Variants in SPOCK3 observed in about 807,000 individuals in gnomAD.
The protein encoded by SPOCK3 is SPARC (osteonectin), cwcv and kazal like domains proteoglycan 3, also known as testican-3.
In SPOCK3, 30 loss-of-function variants were observed where a neutral mutation model predicts 56.6. That is an observed-to-expected ratio of 0.53 (90% CI 0.40 to 0.72). The LOEUF is 0.72. Among genes scored for constraint, SPOCK3 ranks in the 30% least tolerant of loss-of-function variants. The probability of loss-of-function intolerance (pLI) is 0.00; values close to 1 mark genes in which losing one functional copy is unlikely to be tolerated. For missense variants in SPOCK3, 527 were observed against 530.0 expected (o/e 0.99, Z 0.06); for synonymous variants, 196 against 183.3 (o/e 1.07, Z -0.56).
intron 2 of SPOCK3, among the ~76,000 whole-genome samples, chr4:167,124,197 ATTTGT>A (rs971167023): frequency 2.0e-5 from 3 of 152,066 alleles, no homozygotes; most frequent in African/African-American, 7.2e-5. Context: ...TAGTCCTTGA[ATTTGT>A]TTTCTTTTTA....
chr4:166,873,357 T>C (rs1041644516), intron 6 of SPOCK3, among the ~76,000 whole-genome samples: 1 of 152,132 alleles, frequency 6.6e-6, no homozygotes, highest in Non-Finnish European at 1.5e-5. Context: ...AAGCCCATAA[T>C]ATGTACAATA....
At chr4:167,234,399 C>A in intron 1 of SPOCK3, 51 bp downstream of exon 1, 4 of 584,882 alleles carry the variant, frequency 6.8e-6, no homozygotes, top group South Asian at 6.3e-5. Flanking sequence ...AGGAAGCAAG[C>A]CCCAGCCGCA....
chr4:167,164,268 A>G (rs553755540), intron 2 of SPOCK3, among the ~76,000 whole-genome samples: 1 of 152,240 alleles, frequency 6.6e-6, no homozygotes, highest in South Asian at 2.1e-4. Flanking sequence ...GCATATTCAC[A>G]TATATACCAT....
chr4:166,795,299 T>C (rs1376990213), intron 6 of SPOCK3, among the ~76,000 whole-genome samples: 1 of 151,920 alleles, frequency 6.6e-6, no homozygotes, highest in East Asian at 1.9e-4. Flanking sequence ...ATCAGTAATA[T>C]ATCTACACAG....
intron 3 of SPOCK3, among the ~76,000 whole-genome samples, chr4:167,059,733 G>GAC: frequency 6.6e-6 from 1 of 152,198 alleles, no homozygotes; most frequent in Middle Eastern, 3.4e-3. Flanking sequence ...TTCACAATAT[G>GAC]AAAGACTTGG....
chr4:167,109,353 AATAT>A (rs1760623426), intron 2 of SPOCK3, among the ~76,000 whole-genome samples: 2 of 43,698 alleles, frequency 4.6e-5, no homozygotes, highest in South Asian at 7.7e-4. Context: ...TAATAAAATA[AATAT>A]ATATTTATAT....
chr4:166,914,218 G>A (rs1186190989), intron 4 of SPOCK3, among the ~76,000 whole-genome samples: 5 of 151,834 alleles, frequency 3.3e-5, no homozygotes, highest in African/African-American at 1.2e-4. Context: ...TTTTATTAGA[G>A]CAAAAGAGGA....
At chr4:166,960,041 A>G (rs148690323) in intron 4 of SPOCK3, among the ~76,000 whole-genome samples, 1 of 152,178 alleles carries the variant, frequency 6.6e-6, no homozygotes, top group South Asian at 2.1e-4. Context: ...TATAAACCTA[A>G]TAACTCCCAT....
At chr4:167,135,455 T>G (rs1241805641) in intron 2 of SPOCK3, among the ~76,000 whole-genome samples, 1 of 152,166 alleles carries the variant, frequency 6.6e-6, no homozygotes, top group Non-Finnish European at 1.5e-5. Flanking sequence ...ACAATAATTT[T>G]AATTAGATTC....
chr4:166,772,823 A>G (rs10034086), intron 7 of SPOCK3, among the ~76,000 whole-genome samples: 122,543 of 151,996 alleles, frequency 0.81, 49,646 homozygotes, highest in African/African-American at 0.85. Flanking sequence ...ACAGGGTCTT[A>G]CTCTGTCACC....
intron 5 of SPOCK3, among the ~76,000 whole-genome samples, chr4:166,901,601 G>A (rs1197810127): frequency 6.6e-6 from 1 of 152,134 alleles, no homozygotes; most frequent in African/African-American, 2.4e-5. Context: ...CAATTGTCCA[G>A]GATGCCTCTC....
At position 167,011,666 on chromosome 4, in the gene SPOCK3, A is replaced by C. The variant is rs147381754; in HGVS notation, c.236-11203T>G. Among the ~76,000 whole-genome samples the C allele has an allele frequency of 4.3e-4, 65 of 152,262 alleles. No individual in the cohort carries two copies. The East Asian group carries it at 8.9e-3, about 21-fold the overall frequency. On this transcript the variant is annotated intron_variant, in intron 3 of 10. Coordinates refer to ENST00000357545, the MANE Select transcript of SPOCK3 (RefSeq NM_001040159.2). ...CTTAGAATAGTAAGCCTTGAGCTTT[A>C]AGGAGATGAATACATTAGTTGGCCA...
intron 6 of SPOCK3, among the ~76,000 whole-genome samples, chr4:166,794,645 T>C (rs915287233): frequency 1.8e-4 from 26 of 144,676 alleles, no homozygotes; most frequent in African/African-American, 6.0e-4. Flanking sequence ...CTTTCTTTCT[T>C]TTTTTTTTTT....
chr4:166,911,095 T>A (rs1737215786), intron 5 of SPOCK3, among the ~76,000 whole-genome samples: 1 of 152,108 alleles, frequency 6.6e-6, no homozygotes, highest in African/African-American at 2.4e-5. Context: ...ACCTATACCA[T>A]GTTAAATTCA....
intron 3 of SPOCK3, among the ~76,000 whole-genome samples, chr4:167,055,699 G>A (rs945252203): frequency 1.3e-5 from 2 of 152,196 alleles, no homozygotes; most frequent in Non-Finnish European, 2.9e-5. Context: ...CTCACTGATT[G>A]CTAGCACAGC....
At chr4:166,844,663 TATAG>T (rs1747864834) in intron 6 of SPOCK3, among the ~76,000 whole-genome samples, 1 of 150,912 alleles carries the variant, frequency 6.6e-6, no homozygotes, top group South Asian at 2.1e-4. Context: ...TTGATATATG[TATAG>T]ATAAAGATAG....
intron 6 of SPOCK3, among the ~76,000 whole-genome samples, chr4:166,842,031 T>C (rs968227589): frequency 3.3e-5 from 5 of 152,176 alleles, no homozygotes; most frequent in Admixed American, 6.5e-5. Flanking sequence ...TCTCAGTCAG[T>C]GTTAAGGCTC....
intron 7 of SPOCK3, among the ~76,000 whole-genome samples, chr4:166,775,286 C>G (rs1429108862): frequency 6.6e-6 from 1 of 152,098 alleles, no homozygotes; most frequent in African/African-American, 2.4e-5. Flanking sequence ...ACATATGTCA[C>G]AGTAAAAACT....
At chr4:167,219,638 CAACAT>C (rs1461698793) in intron 2 of SPOCK3, among the ~76,000 whole-genome samples, 9 of 151,668 alleles carry the variant, frequency 5.9e-5, no homozygotes, top group African/African-American at 1.9e-4. Flanking sequence ...CTAGAACACT[CAACAT>C]AAAGATTTCA....
Sources: allele counts gnomAD v4.1 joint callset (sites outside exome capture counted in the v4.1 genomes callset), GRCh38; gene constraint gnomAD v4.1.1; transcripts MANE v1.5; gene names NCBI Gene and HGNC (gene_info 2026-07-23, HGNC 2026-07-21).